The following RBMS3 variants were observed in gnomAD, a reference collection of about 807,000 sequenced individuals.
RBMS3 encodes RNA binding motif single stranded interacting protein 3.
Under a neutral mutation model 66.8 loss-of-function variants are expected in RBMS3, and 27 were observed. That is an observed-to-expected ratio of 0.40 (90% CI 0.30 to 0.56). The LOEUF (loss-of-function observed/expected upper bound fraction) is 0.56, where lower values mean the gene tolerates loss of function less well. Among genes scored for constraint, RBMS3 ranks in the 20% least tolerant of loss-of-function variants. The pLI, the probability that RBMS3 is intolerant of heterozygous loss-of-function variation, is 0.40. For missense variants in RBMS3, 513 were observed against 549.5 expected, an observed-to-expected ratio of 0.93 and a Z score of 0.66; for synonymous variants, 188 against 183.0, an observed-to-expected ratio of 1.03 and a Z score of -0.22.
intron 1 of RBMS3, among the ~76,000 whole-genome samples, chr3:29,383,811 A>G (rs1326395251): frequency 6.6e-6 from 1 of 152,172 alleles, no homozygotes; most frequent in Non-Finnish European, 1.5e-5. Context: ...GTAAGTTTTC[A>G]GTGACCGTAA....
At chr3:29,819,983 C>A (rs1248328741) in intron 6 of RBMS3, among the ~76,000 whole-genome samples, 1 of 151,738 alleles carries the variant, frequency 6.6e-6, no homozygotes, top group Non-Finnish European at 1.5e-5. Flanking sequence ...TCACTTGAGT[C>A]CAGGAGTTTG....
chr3:29,569,171 G>A (rs1460653930), intron 3 of RBMS3, among the ~76,000 whole-genome samples: 1 of 152,022 alleles, frequency 6.6e-6, no homozygotes, highest in African/African-American at 2.4e-5. Flanking sequence ...AGTTTTTCAG[G>A]TCTTGACCGT....
intron 1 of RBMS3, among the ~76,000 whole-genome samples, chr3:29,321,180 G>T (rs1396684468): frequency 6.6e-6 from 1 of 151,876 alleles, no homozygotes. Context: ...GTGTTTTATT[G>T]TACTAGACAT....
At chr3:29,379,365 C>T (rs527973695) in intron 1 of RBMS3, among the ~76,000 whole-genome samples, 1 of 152,070 alleles carries the variant, frequency 6.6e-6, no homozygotes, top group South Asian at 2.1e-4. Context: ...AAAAATGGGT[C>T]TTTTATTTTA....
intron 3 of RBMS3, among the ~76,000 whole-genome samples, chr3:29,524,784 T>C (rs1407631602): frequency 6.6e-6 from 1 of 151,806 alleles, no homozygotes; most frequent in Admixed American, 6.6e-5. Flanking sequence ...CTGGGTGTGG[T>C]GGTTAATGCT....
intron 3 of RBMS3, among the ~76,000 whole-genome samples, chr3:29,561,431 T>TG (rs1421277183): frequency 0.015 from 2,137 of 142,830 alleles, 45 homozygotes; most frequent in African/African-American, 0.059. Context: ...CATCTGTTGT[T>TG]TTTGTTGTTG....
At chr3:29,684,320 A>G (rs1312230162) in intron 4 of RBMS3, among the ~76,000 whole-genome samples, 3 of 152,196 alleles carry the variant, frequency 2.0e-5, no homozygotes, top group African/African-American at 4.8e-5. Context: ...GACACTCTGA[A>G]AAACATAAAA....
chr3:29,510,862 C>A (rs1484706372), intron 3 of RBMS3, among the ~76,000 whole-genome samples: 1 of 152,092 alleles, frequency 6.6e-6, no homozygotes, highest in Non-Finnish European at 1.5e-5. Flanking sequence ...TTTAAAATTA[C>A]AAGTTATTGT....
chr3:29,370,861 A>T (rs1206279727), intron 1 of RBMS3, among the ~76,000 whole-genome samples: 1 of 152,190 alleles, frequency 6.6e-6, no homozygotes, highest in Non-Finnish European at 1.5e-5. Context: ...AATGCTGTTT[A>T]CTGATGTCTG....
intron 1 of RBMS3, among the ~76,000 whole-genome samples, chr3:29,340,505 G>A (rs2036221202): frequency 6.6e-6 from 1 of 152,104 alleles, no homozygotes; most frequent in South Asian, 2.1e-4. Context: ...AATAAATTGA[G>A]TTTAATGAAT....
chr3:29,352,321 C>T (rs1045491652), intron 1 of RBMS3, among the ~76,000 whole-genome samples: 14 of 151,968 alleles, frequency 9.2e-5, no homozygotes, highest in Admixed American at 3.9e-4. Context: ...CTTCTTTATA[C>T]ATTCAGGTCC....
At chr3:29,332,483 G>A (rs1337251033) in intron 1 of RBMS3, among the ~76,000 whole-genome samples, 1 of 152,122 alleles carries the variant, frequency 6.6e-6, no homozygotes, top group Non-Finnish European at 1.5e-5. Flanking sequence ...TTTCAAGAAT[G>A]AATGCTGACC....
At chr3:29,698,643 C>G (rs1300619023) in intron 4 of RBMS3, 5 of 980,940 alleles carry the variant, frequency 5.1e-6, no homozygotes, top group Non-Finnish European at 6.1e-6. Context: ...ATATTGTTAC[C>G]ATCTCCCAAG....
intron 1 of RBMS3, among the ~76,000 whole-genome samples, chr3:29,292,320 A>G (rs1353366548): frequency 6.6e-6 from 1 of 151,746 alleles, no homozygotes; most frequent in Non-Finnish European, 1.5e-5. Flanking sequence ...AAGTGGTCCT[A>G]AGAAGACACA....
intron 6 of RBMS3, among the ~76,000 whole-genome samples, chr3:29,842,624 G>T (rs959780634): frequency 6.6e-6 from 1 of 152,092 alleles, no homozygotes; most frequent in Non-Finnish European, 1.5e-5. Context: ...TGTCCATGTC[G>T]TAATCTCCAG....
chr3:29,335,666 G>T (rs982075151), intron 1 of RBMS3, among the ~76,000 whole-genome samples: 4 of 152,174 alleles, frequency 2.6e-5, no homozygotes, highest in African/African-American at 7.2e-5. Context: ...ACTGCCCAGT[G>T]TACGGCGTCT....
chr3:29,389,567 C>T (rs2039184080), intron 1 of RBMS3, among the ~76,000 whole-genome samples: 1 of 152,182 alleles, frequency 6.6e-6, no homozygotes, highest in Non-Finnish European at 1.5e-5. Context: ...AGGTCCCACT[C>T]ACTATCTTGA....
At chr3:29,558,364 A>C (rs2046430096) in intron 3 of RBMS3, among the ~76,000 whole-genome samples, 1 of 152,206 alleles carries the variant, frequency 6.6e-6, no homozygotes, top group Non-Finnish European at 1.5e-5. Flanking sequence ...CTAGCAATGC[A>C]GATTACAGGG....
At chr3:29,807,434 A>G (rs1230935015) in intron 6 of RBMS3, among the ~76,000 whole-genome samples, 2 of 151,978 alleles carry the variant, frequency 1.3e-5, no homozygotes, top group Non-Finnish European at 2.9e-5. Context: ...AAAATTTAAA[A>G]TATGCATAAC....
Sources: gnomAD v4.1 joint callset for allele counts (sites outside exome capture counted in the v4.1 genomes callset) on GRCh38, gnomAD v4.1.1 for gene constraint, MANE v1.5 for transcripts, NCBI Gene and HGNC (gene_info 2026-07-23, HGNC 2026-07-21) for gene names.